SAMD12: variants seen among roughly 807,000 people sequenced by gnomAD.
The protein encoded by SAMD12 is sterile alpha motif domain-containing protein 12.
In SAMD12, 9 loss-of-function variants were observed where a neutral mutation model predicts 15.0. That is an observed-to-expected ratio of 0.60 (90% CI 0.36 to 1.05). The LOEUF is 1.05. Among genes scored for constraint, SAMD12 ranks in the 50% least tolerant of loss-of-function variants. The pLI, the probability that SAMD12 is intolerant of heterozygous loss-of-function variation, is 0.01. For synonymous variants in SAMD12, 86 were observed against 90.1 expected, an observed-to-expected ratio of 0.96 and a Z score of 0.25; for missense variants, 230 against 234.2, an observed-to-expected ratio of 0.98 and a Z score of 0.12.
In SAMD12 at chr8:118,216,074, C is replaced by T. The variant is rs1321341058; in HGVS notation, c.434-18342G>A. Among the ~76,000 whole-genome samples, 352 of 151,888 alleles carry T rather than the reference C, an allele frequency of 2.3e-3. 1 individual carries two copies. Among genetic ancestry groups the T allele is most frequent in the African/African-American group, 7.4e-3 (305 of 41,406 alleles). ...CACAATGGTTGAACTAGTTTACAGTCCCACCAGCAGTGTAAAAGTGTTCCT... is the reference window on the plus strand; with the variant it reads ...CACAATGGTTGAACTAGTTTACAGTTCCACCAGCAGTGTAAAAGTGTTCCT... On this transcript the variant is annotated intron_variant, in intron 4 of 4. Coordinates refer to the SAMD12 transcript ENST00000409003.
chr8:118,216,141 T>C (rs1173837464), intron 4 of SAMD12, among the ~76,000 whole-genome samples: 5 of 149,554 alleles, frequency 3.3e-5, no homozygotes, highest in African/African-American at 1.2e-4. Context: ...TTCCTGACTT[T>C]TTAATGATTG....
chr8:118,584,955 A>AC (rs1827399407), intron 1 of SAMD12, among the ~76,000 whole-genome samples: 1 of 144,968 alleles, frequency 6.9e-6, no homozygotes, highest in African/African-American at 2.5e-5. Context: ...ACACACACAC[A>AC]AACACACACA....
In SAMD12 at chr8:118,465,686, GT is replaced by G. The variant is rs534768520; in HGVS notation, c.193-25726del. 6.3e-3 allele frequency among the ~76,000 whole-genome samples: 956 copies of G among 151,712 alleles called. 3 individuals are homozygous for G. The highest frequency in any genetic ancestry group is 9.5e-3 in the Non-Finnish European group (648 of 67,884). On this transcript the variant is annotated intron_variant, in intron 2 of 3. Coordinates refer to ENST00000314727, the MANE Select transcript of SAMD12 (RefSeq NM_207506.3). ...CAGTTATTTTATGTTAAATGGAATA[GT>G]TTTTTTTTAAATTATGGCAAACAAT...
At chr8:118,252,396 A>G (rs1812839121) in intron 4 of SAMD12, among the ~76,000 whole-genome samples, 1 of 152,114 alleles carries the variant, frequency 6.6e-6, no homozygotes, top group South Asian at 2.1e-4. Context: ...TCTGTGGTCC[A>G]GAAAGGATGA....
chr8:118,168,353 C>T, the SAMD12 span, among the ~76,000 whole-genome samples: 9 of 152,168 alleles, frequency 5.9e-5, no homozygotes, highest in African/African-American at 1.9e-4. Flanking sequence ...CCTCTCTTTC[C>T]ACATTCCAGT....
intron 2 of SAMD12, among the ~76,000 whole-genome samples, chr8:118,501,826 C>G (rs1236982260): frequency 6.6e-6 from 1 of 152,040 alleles, no homozygotes; most frequent in Non-Finnish European, 1.5e-5. Flanking sequence ...ACCATCCTGG[C>G]TAACACGGTG....
At chr8:118,413,769 G>A (rs1563841699) in intron 3 of SAMD12, among the ~76,000 whole-genome samples, 1 of 152,152 alleles carries the variant, frequency 6.6e-6, no homozygotes, top group Non-Finnish European at 1.5e-5. Context: ...AATATAGGAA[G>A]AAGGCAAAGA....
chr8:118,568,385 G>C (rs946394254), intron 2 of SAMD12, among the ~76,000 whole-genome samples: 5 of 152,206 alleles, frequency 3.3e-5, no homozygotes, highest in Non-Finnish European at 4.4e-5. Context: ...CCAAGGCACA[G>C]ATCATGCAGG....
chr8:118,206,594 T>C (rs892071258), intron 4 of SAMD12, among the ~76,000 whole-genome samples: 2 of 152,232 alleles, frequency 1.3e-5, no homozygotes, highest in African/African-American at 2.4e-5. Flanking sequence ...TTGAAGAGTC[T>C]CCAATCTGTA....
chr8:118,456,140 T>A (rs1438543234), intron 2 of SAMD12, among the ~76,000 whole-genome samples: 1 of 152,230 alleles, frequency 6.6e-6, no homozygotes, highest in Non-Finnish European at 1.5e-5. Flanking sequence ...CTCTTCTTTG[T>A]CATGGTCTTG....
chr8:118,567,132 C>T (rs1826874925), intron 2 of SAMD12, among the ~76,000 whole-genome samples: 2 of 152,148 alleles, frequency 1.3e-5, no homozygotes, highest in African/African-American at 4.8e-5. Flanking sequence ...ACATCTCTCT[C>T]ATGAGGTAGA....
rs1827854107 is a variant in SAMD12 at position 118,601,093 on chromosome 8, G to A, written c.14-20200C>T. On this transcript the variant is annotated intron_variant, in intron 1 of 3. Transcript: ENST00000314727. ...ACCAAAAACCATACAAAAAGAAAAA[G>A]GCTAGAAGAAAATATGCCAAATACT... 2.6e-5 allele frequency among the ~76,000 whole-genome samples: 4 copies of A among 152,028 alleles called. No homozygotes were observed. The South Asian group carries it at 6.2e-4, about 24-fold the overall frequency.
intron 1 of SAMD12, among the ~76,000 whole-genome samples, chr8:118,601,015 G>C (rs935442369): frequency 1.7e-4 from 26 of 151,898 alleles, no homozygotes; most frequent in Non-Finnish European, 2.5e-4. Flanking sequence ...TCCAACTGAA[G>C]ACCAAAAAAA....
At chr8:118,243,972 T>G (rs1416953493) in intron 4 of SAMD12, among the ~76,000 whole-genome samples, 1 of 152,128 alleles carries the variant, frequency 6.6e-6, no homozygotes, top group African/African-American at 2.4e-5. Context: ...TTCAGCAAGG[T>G]TTATTTCTGG....
chr8:118,554,305 T>A (rs1455270366), intron 2 of SAMD12, among the ~76,000 whole-genome samples: 1 of 151,914 alleles, frequency 6.6e-6, no homozygotes, highest in African/African-American at 2.4e-5. Context: ...AATGATAGAA[T>A]GGATTAAGAA....
At chr8:118,234,113 C>T (rs776259796) in intron 4 of SAMD12, among the ~76,000 whole-genome samples, 73 of 152,102 alleles carry the variant, frequency 4.8e-4, no homozygotes, top group Non-Finnish European at 8.1e-4. Flanking sequence ...AAAACTATGG[C>T]AAGGCAGAAA....
the SAMD12 span, among the ~76,000 whole-genome samples, chr8:118,151,383 G>C: frequency 6.6e-6 from 1 of 151,948 alleles, no homozygotes; most frequent in African/African-American, 2.4e-5. Context: ...CCTTCTGTTT[G>C]GGCCTCCAGT....
intron 4 of SAMD12, among the ~76,000 whole-genome samples, chr8:118,201,919 T>G (rs1819726444): frequency 6.6e-6 from 1 of 152,244 alleles, no homozygotes; most frequent in African/African-American, 2.4e-5. Context: ...ATCATCATAT[T>G]TAGCCCTATG....
chr8:118,173,451 G>C, the SAMD12 span, among the ~76,000 whole-genome samples: 1 of 151,928 alleles, frequency 6.6e-6, no homozygotes, highest in Non-Finnish European at 1.5e-5. Context: ...GCAAGTAGCT[G>C]TCATTGTACA....
Sources: gnomAD v4.1 joint callset for allele counts (sites outside exome capture counted in the v4.1 genomes callset) on GRCh38, gnomAD v4.1.1 for gene constraint, MANE v1.5 for transcripts, NCBI Gene and HGNC (gene_info 2026-07-23, HGNC 2026-07-21) for gene names.